MSR1: variants seen among roughly 807,000 people sequenced by gnomAD.
MSR1 encodes macrophage scavenger receptor types I and II.
MSR1 carries 53 observed loss-of-function variants against 47.2 expected under a neutral mutation model. The observed-to-expected ratio is 1.12, with a 90% CI of 0.90 to 1.41. The LOEUF is 1.41. MSR1 is among the 40% of genes most tolerant of loss of function. The pLI is 0.00. For missense variants in MSR1, 786 were observed against 546.9 expected (o/e 1.44, Z -4.36); for synonymous variants, 239 against 185.6 (o/e 1.29, Z -2.34).
At chr8:16,167,745 T>C (rs947028181) in intron 4 of MSR1, among the ~76,000 whole-genome samples, 1 of 152,188 alleles carries the variant, frequency 6.6e-6, no homozygotes, top group African/African-American at 2.4e-5. Context: ...ACTTAATCAA[T>C]GTCTATCCTG....
chr8:16,155,000 C>A (rs1800961497), intron 6 of MSR1, 64 bp downstream of exon 6: 2 of 1,361,354 alleles, frequency 1.5e-6, no homozygotes, highest in Non-Finnish European at 2.1e-6. Flanking sequence ...CTCCCCTACA[C>A]ATGTACCTGG....
At chr8:16,142,786 G>A (rs1053391058) in intron 8 of MSR1, among the ~76,000 whole-genome samples, 3 of 152,098 alleles carry the variant, frequency 2.0e-5, no homozygotes, top group Admixed American at 6.6e-5. Context: ...CTATCCCATG[G>A]ACACACAGAC....
chr8:16,127,754 C>T (rs1292004604), intron 8 of MSR1, among the ~76,000 whole-genome samples: 1 of 152,158 alleles, frequency 6.6e-6, no homozygotes, highest in African/African-American at 2.4e-5. Context: ...CCTGCTATGC[C>T]TGAAGCCATC....
At chr8:16,159,920 T>G (rs1205368622) in intron 5 of MSR1, among the ~76,000 whole-genome samples, 1 of 152,008 alleles carries the variant, frequency 6.6e-6, no homozygotes, top group Non-Finnish European at 1.5e-5. Flanking sequence ...AGAGAAAATA[T>G]TTCAAATAAA....
intron 1 of MSR1, among the ~76,000 whole-genome samples, chr8:16,190,204 T>A (rs1203146597): frequency 6.6e-6 from 1 of 152,154 alleles, no homozygotes; most frequent in Non-Finnish European, 1.5e-5. Context: ...GCCATTATTT[T>A]CATAATTTAG....
At chr8:16,177,841 A>G in intron 2 of MSR1, 45 bp downstream of exon 2, 3 of 1,468,906 alleles carry the variant, frequency 2.0e-6, no homozygotes, top group Non-Finnish European at 2.9e-6. Context: ...TTTGTCAATA[A>G]CTCTAAGAAC....
chr8:16,181,595 A>C (rs1305698215), intron 1 of MSR1, among the ~76,000 whole-genome samples: 1 of 152,258 alleles, frequency 6.6e-6, no homozygotes, highest in Admixed American at 6.5e-5. Context: ...TGGGAGCTGA[A>C]CAATGAGAAC....
intron 9 of MSR1, among the ~76,000 whole-genome samples, chr8:16,118,627 C>T (rs566640573): frequency 7.2e-5 from 11 of 151,816 alleles, no homozygotes; most frequent in Admixed American, 2.6e-4. Context: ...TGCAGTAAGC[C>T]GAGATTACAC....
chr8:16,143,032 G>A (rs926015342), intron 8 of MSR1, among the ~76,000 whole-genome samples: 5 of 152,204 alleles, frequency 3.3e-5, no homozygotes, highest in Admixed American at 6.5e-5. Context: ...ACATGAGGTC[G>A]GCAGTAGATT....
intron 1 of MSR1, among the ~76,000 whole-genome samples, chr8:16,187,313 A>G (rs1802030422): frequency 6.8e-6 from 1 of 147,630 alleles, no homozygotes; most frequent in Admixed American, 6.9e-5. Flanking sequence ...CAGTGAGCCA[A>G]GATCAGGCCA....
intron 2 of MSR1, 63 bp downstream of exon 2, chr8:16,177,823 T>A (rs980366058): frequency 2.5e-5 from 33 of 1,332,628 alleles, no homozygotes; most frequent in Non-Finnish European, 3.4e-5. Flanking sequence ...AAGACTATAA[T>A]TTTATATTTT....
intron 6 of MSR1, among the ~76,000 whole-genome samples, chr8:16,152,770 T>G (rs1054173493): frequency 6.6e-6 from 1 of 152,060 alleles, no homozygotes; most frequent in African/African-American, 2.4e-5. Flanking sequence ...AAAAAATCCT[T>G]GATCATGACA....
At chr8:16,171,483 G>A (rs569785431) in intron 3 of MSR1, among the ~76,000 whole-genome samples, 10 of 152,084 alleles carry the variant, frequency 6.6e-5, no homozygotes, top group African/African-American at 2.4e-4. Context: ...CAATACCTTG[G>A]AAATAAAAGT....
At chr8:16,141,098 GCCTTAC>G (rs1278143713) in intron 8 of MSR1, 2 of 1,601,464 alleles carry the variant, frequency 1.2e-6, no homozygotes, top group Non-Finnish European at 1.7e-6. Flanking sequence ...TTTTCAGAAA[GCCTTAC>G]AAAATTTTAA....
At chr8:16,144,805 T>C (rs1800655254) in intron 7 of MSR1, among the ~76,000 whole-genome samples, 1 of 152,142 alleles carries the variant, frequency 6.6e-6, no homozygotes. Context: ...GAATCTTCTC[T>C]TTGTGATTTT....
At chr8:16,119,979 G>T (rs1217433243) in intron 9 of MSR1, among the ~76,000 whole-genome samples, 2 of 150,122 alleles carry the variant, frequency 1.3e-5, no homozygotes, top group Non-Finnish European at 3.0e-5. Context: ...GCCTCCCAAA[G>T]TGCTGGGACT....
intron 1 of MSR1, among the ~76,000 whole-genome samples, chr8:16,182,459 T>C (rs1801861425): frequency 6.6e-6 from 1 of 152,156 alleles, no homozygotes; most frequent in Non-Finnish European, 1.5e-5. Context: ...TTAAACAACA[T>C]TTTTACTCTT....
intron 6 of MSR1, among the ~76,000 whole-genome samples, chr8:16,153,021 C>T (rs1800902920): frequency 6.6e-6 from 1 of 151,946 alleles, no homozygotes; most frequent in Non-Finnish European, 1.5e-5. Context: ...ATAATATCCA[C>T]CCTAGTATAT....
chr8:16,115,446 TC>T (rs1163942906), intron 9 of MSR1, among the ~76,000 whole-genome samples: 1 of 152,108 alleles, frequency 6.6e-6, no homozygotes, highest in African/African-American at 2.4e-5. Flanking sequence ...TAAATAGCTT[TC>T]CATAAAAACC....
Sources: gnomAD v4.1 joint callset for allele counts (sites outside exome capture counted in the v4.1 genomes callset) on GRCh38, gnomAD v4.1.1 for gene constraint, MANE v1.5 for transcripts, NCBI Gene and HGNC (gene_info 2026-07-23, HGNC 2026-07-21) for gene names.